Variants in SPAG16 observed in about 807,000 individuals in gnomAD.
The protein encoded by SPAG16 is sperm-associated antigen 16 protein.
Under a neutral mutation model 80.4 loss-of-function variants are expected in SPAG16, and 86 were observed. The ratio of observed to expected loss-of-function variants is 1.07; its 90% CI spans 0.90 to 1.28. The LOEUF is 1.28. SPAG16 is among the 50% of genes most tolerant of loss of function. The pLI is 0.00. For synonymous variants in SPAG16, 294 were observed against 265.9 expected (o/e 1.11, Z -1.03); for missense variants, 870 against 765.3 (o/e 1.14, Z -1.61).
At chr2:213,675,553 G>A (rs2064020453) in intron 10 of SPAG16, among the ~76,000 whole-genome samples, 1 of 152,046 alleles carries the variant, frequency 6.6e-6, no homozygotes, top group South Asian at 2.1e-4. Flanking sequence ...ATCTTGAATT[G>A]ATTTTTGTAT....
intron 15 of SPAG16, among the ~76,000 whole-genome samples, chr2:214,219,096 T>C (rs2058501024): frequency 1.3e-5 from 2 of 152,192 alleles, no homozygotes; most frequent in Non-Finnish European, 2.9e-5. Context: ...AGGACCCAAA[T>C]ATTTAAATTT....
intron 10 of SPAG16, 53 bp from the exon 11 acceptor site, chr2:213,862,432 G>A: frequency 1.3e-6 from 2 of 1,587,698 alleles, no homozygotes; most frequent in Non-Finnish European, 1.7e-6. Flanking sequence ...TTCATATTCT[G>A]AAAACATTTG....
intron 15 of SPAG16, among the ~76,000 whole-genome samples, chr2:214,165,507 G>T (rs1254287709): frequency 1.1e-4 from 3 of 27,404 alleles, no homozygotes; most frequent in Admixed American, 3.9e-4. Flanking sequence ...TTTTTTTTTT[G>T]CCAAAATTGA....
intron 15 of SPAG16, among the ~76,000 whole-genome samples, chr2:214,179,497 G>A (rs1050828469): frequency 8.6e-5 from 13 of 151,358 alleles, no homozygotes; most frequent in African/African-American, 2.7e-4. Context: ...CTTCCACAAA[G>A]AATTGCTCCA....
chr2:214,197,755 T>G (rs2057886248), intron 15 of SPAG16, among the ~76,000 whole-genome samples: 1 of 152,008 alleles, frequency 6.6e-6, no homozygotes. Context: ...GATAGCTATG[T>G]GTGGTAACAT....
At chr2:214,336,463 G>GTA (rs1697295507) in intron 15 of SPAG16, among the ~76,000 whole-genome samples, 1 of 152,160 alleles carries the variant, frequency 6.6e-6, no homozygotes, top group Non-Finnish European at 1.5e-5. Context: ...AGGCCCTAGT[G>GTA]TATACCTTTT....
intron 13 of SPAG16, among the ~76,000 whole-genome samples, chr2:214,045,679 C>T (rs1264413745): frequency 2.0e-5 from 3 of 152,070 alleles, no homozygotes; most frequent in Non-Finnish European, 2.9e-5. Context: ...GAAAACACAT[C>T]ATACTAAAAT....
chr2:213,508,591 A>G (rs1312276635), intron 10 of SPAG16, among the ~76,000 whole-genome samples: 1 of 152,232 alleles, frequency 6.6e-6, no homozygotes, highest in East Asian at 1.9e-4. Context: ...AAGAAAAAAA[A>G]AAATGATGAG....
intron 10 of SPAG16, among the ~76,000 whole-genome samples, chr2:213,535,789 A>C (rs1029939518): frequency 6.6e-6 from 1 of 152,174 alleles, no homozygotes; most frequent in Non-Finnish European, 1.5e-5. Context: ...AAATGACTAC[A>C]TTCTAACTGT....
At chr2:213,995,991 C>T (rs578063539) in intron 12 of SPAG16, among the ~76,000 whole-genome samples, 16 of 152,196 alleles carry the variant, frequency 1.1e-4, no homozygotes, top group Non-Finnish European at 1.9e-4. Context: ...TTCCCTAAAG[C>T]CTTCTCTTCT....
At chr2:214,288,360 A>T (rs1291075166) in intron 15 of SPAG16, among the ~76,000 whole-genome samples, 1 of 152,150 alleles carries the variant, frequency 6.6e-6, no homozygotes, top group Non-Finnish European at 1.5e-5. Context: ...TATCTTTGCT[A>T]TTGTGAATAG....
chr2:214,251,880 T>C (rs1690318385), intron 15 of SPAG16, among the ~76,000 whole-genome samples: 1 of 152,136 alleles, frequency 6.6e-6, no homozygotes, highest in Non-Finnish European at 1.5e-5. Flanking sequence ...CTGCTGAAAA[T>C]GTTAGACGTA....
At chr2:214,056,209 C>A (rs2049933214) in intron 13 of SPAG16, among the ~76,000 whole-genome samples, 1 of 151,396 alleles carries the variant, frequency 6.6e-6, no homozygotes, top group Non-Finnish European at 1.5e-5. Context: ...TGGAAATAAT[C>A]CTGCATCCTT....
At chr2:213,961,321 A>G (rs2044406583) in intron 12 of SPAG16, among the ~76,000 whole-genome samples, 1 of 152,180 alleles carries the variant, frequency 6.6e-6, no homozygotes. Context: ...AGTTTTCTAC[A>G]TACAAGATCA....
intron 14 of SPAG16, among the ~76,000 whole-genome samples, chr2:214,111,799 G>C (rs1440977554): frequency 2.0e-5 from 3 of 151,876 alleles, no homozygotes; most frequent in Non-Finnish European, 4.4e-5. Flanking sequence ...CTTTTATTTT[G>C]TTGAGCAGTG....
intron 9 of SPAG16, among the ~76,000 whole-genome samples, chr2:213,479,595 C>G (rs898198643): frequency 6.6e-6 from 1 of 152,000 alleles, no homozygotes; most frequent in African/African-American, 2.4e-5. Context: ...GAAAAAAAAG[C>G]ACTATCTGTT....
intron 14 of SPAG16, among the ~76,000 whole-genome samples, chr2:214,113,902 T>A (rs1294597778): frequency 6.6e-6 from 1 of 152,140 alleles, no homozygotes; most frequent in Non-Finnish European, 1.5e-5. Context: ...GGAGAAGAGG[T>A]GCTCTGGTTT....
At chr2:213,420,196 C>T (rs1423349986) in intron 9 of SPAG16, among the ~76,000 whole-genome samples, 1 of 152,144 alleles carries the variant, frequency 6.6e-6, no homozygotes, top group Non-Finnish European at 1.5e-5. Flanking sequence ...TTATTGCTTT[C>T]TTGGAACTTA....
chr2:214,038,257 T>C (rs922392377), intron 13 of SPAG16, among the ~76,000 whole-genome samples: 1 of 152,194 alleles, frequency 6.6e-6, no homozygotes, highest in Non-Finnish European at 1.5e-5. Flanking sequence ...TCTTATTCTT[T>C]TGCTTTTGTT....
Sources: allele counts gnomAD v4.1 joint callset (sites outside exome capture counted in the v4.1 genomes callset), GRCh38; gene constraint gnomAD v4.1.1; transcripts MANE v1.5; gene names NCBI Gene and HGNC (gene_info 2026-07-23, HGNC 2026-07-21).